OPCML: variants seen among roughly 807,000 people sequenced by gnomAD.
OPCML encodes the protein opioid binding protein/cell adhesion molecule like, also known as opioid-binding protein/cell adhesion molecule.
OPCML carries 13 observed loss-of-function variants against 37.8 expected under a neutral mutation model. That is an observed-to-expected ratio of 0.34 (90% CI 0.22 to 0.55). The LOEUF is 0.55. Ranked by LOEUF, OPCML falls within the 20% of genes least tolerant of loss-of-function variation. The probability of loss-of-function intolerance (pLI) is 0.91; values close to 1 mark genes in which losing one functional copy is unlikely to be tolerated. For missense variants in OPCML, 341 were observed against 435.6 expected, an observed-to-expected ratio of 0.78 and a Z score of 1.93; for synonymous variants, 176 against 168.8, an observed-to-expected ratio of 1.04 and a Z score of -0.33.
Position 133,031,938 on chromosome 11 carries a change from T to C in OPCML, c.62-88928A>G, listed in dbSNP as rs141076697. On this transcript the variant is annotated intron_variant, in intron 1 of 7. Transcript: ENST00000524381. ...GCCTCTTCTATGCCAAACACAGTGC[T>C]TTGTTTTTTTCTGTACATTAACTCA... 5.6e-4 allele frequency among the ~76,000 whole-genome samples: 86 copies of C among 152,350 alleles called. No individual in the cohort carries two copies. The East Asian group carries it at 0.011, about 19-fold the overall frequency.
intron 2 of OPCML, among the ~76,000 whole-genome samples, chr11:132,749,203 C>T (rs978842407): frequency 6.6e-6 from 1 of 152,160 alleles, no homozygotes; most frequent in Non-Finnish European, 1.5e-5. Context: ...ACTATGCTGG[C>T]ACCCTGATAG....
chr11:133,202,652 ACTT>A (rs1490235733), intron 1 of OPCML, among the ~76,000 whole-genome samples: 3 of 152,136 alleles, frequency 2.0e-5, no homozygotes, highest in East Asian at 1.9e-4. Context: ...TTCCAGGGAA[ACTT>A]CTTCTAGTAG....
intron 2 of OPCML, among the ~76,000 whole-genome samples, chr11:132,901,402 A>G (rs1328624853): frequency 6.6e-6 from 1 of 152,214 alleles, no homozygotes; most frequent in East Asian, 1.9e-4. Context: ...AGTTTTCTAA[A>G]GCGTGCAATG....
intron 2 of OPCML, among the ~76,000 whole-genome samples, chr11:132,802,143 T>G (rs554058493): frequency 6.6e-6 from 1 of 152,308 alleles, no homozygotes; most frequent in South Asian, 2.1e-4. Flanking sequence ...AACTGTTACC[T>G]CGAATAAGTT....
chr11:133,063,893 T>G (rs1338879957), intron 1 of OPCML, among the ~76,000 whole-genome samples: 1 of 152,198 alleles, frequency 6.6e-6, no homozygotes, highest in Non-Finnish European at 1.5e-5. Flanking sequence ...CAGCTAGATC[T>G]TCAAAGCCAT....
chr11:133,260,847 T>C (rs539362895), intron 1 of OPCML, among the ~76,000 whole-genome samples: 2 of 150,736 alleles, frequency 1.3e-5, no homozygotes, highest in Admixed American at 1.3e-4. Context: ...AAGACTTACT[T>C]TCTTCCTTGA....
intron 4 of OPCML, among the ~76,000 whole-genome samples, chr11:132,495,015 CT>C (rs35970569): frequency 0.067 from 9,832 of 146,236 alleles, 951 homozygotes; most frequent in African/African-American, 0.22. Context: ...TTGTGGATGA[CT>C]TTTTTTTTTT....
rs562056846 is a variant in OPCML at position 132,552,763 on chromosome 11, C to CTTTTTTT, written c.380-23584_380-23578dup. On this transcript the variant is annotated intron_variant, in intron 3 of 7. Transcript: ENST00000524381. ...TAGTCAAACTAAATTAAACACTACT[C>CTTTTTTT]TTTTTTTTTTTTTTTTGAGACCGAG... Among the ~76,000 whole-genome samples, 97 of 92,786 alleles carry CTTTTTTT rather than the reference C, an allele frequency of 1.0e-3. 7 individuals are homozygous for CTTTTTTT. The highest frequency in any genetic ancestry group is 5.0e-3 in the Admixed American group (44 of 8,772). 60.9% of individuals were successfully genotyped at this position (92,786 alleles called of 152,430 possible).
At chr11:132,446,916 A>C (rs1252689742) in intron 4 of OPCML, among the ~76,000 whole-genome samples, 1 of 152,108 alleles carries the variant, frequency 6.6e-6, no homozygotes, top group Admixed American at 6.5e-5. Context: ...CAGTTTCTTC[A>C]AGAAGGCTGT....
intron 1 of OPCML, among the ~76,000 whole-genome samples, chr11:133,166,697 C>G (rs969346768): frequency 6.6e-6 from 1 of 152,204 alleles, no homozygotes; most frequent in Non-Finnish European, 1.5e-5. Context: ...AGACCTCCTT[C>G]TCCCTCCACA....
intron 3 of OPCML, among the ~76,000 whole-genome samples, chr11:132,572,076 G>C (rs565657846): frequency 6.6e-6 from 1 of 150,712 alleles, no homozygotes; most frequent in South Asian, 2.1e-4. Context: ...TGGAGAAATG[G>C]CTATTCAAGT....
At chr11:133,166,196 T>C (rs1950205824) in intron 1 of OPCML, among the ~76,000 whole-genome samples, 1 of 152,198 alleles carries the variant, frequency 6.6e-6, no homozygotes, top group African/African-American at 2.4e-5. Context: ...GCCTACAAGA[T>C]CCTCACAGTT....
chr11:132,640,565 T>G (rs1362496967), intron 3 of OPCML, among the ~76,000 whole-genome samples: 1 of 152,082 alleles, frequency 6.6e-6, no homozygotes, highest in African/African-American at 2.4e-5. Context: ...GCCAGACGCA[T>G]TCAATAAGCA....
At chr11:132,595,772 A>G (rs748691791) in intron 3 of OPCML, among the ~76,000 whole-genome samples, 1 of 152,218 alleles carries the variant, frequency 6.6e-6, no homozygotes, top group Non-Finnish European at 1.5e-5. Context: ...TGGCAGAGGC[A>G]TCAGCCATGG....
chr11:133,265,700 C>T (rs1485962200), intron 1 of OPCML, among the ~76,000 whole-genome samples: 1 of 152,156 alleles, frequency 6.6e-6, no homozygotes, highest in Non-Finnish European at 1.5e-5. Context: ...GAAGATGTGT[C>T]TGAAGGAGTC....
intron 7 of OPCML, among the ~76,000 whole-genome samples, chr11:132,426,837 C>T (rs1380270691): frequency 6.6e-6 from 1 of 152,322 alleles, no homozygotes; most frequent in South Asian, 2.1e-4. Flanking sequence ...CATCCTGGCA[C>T]TAAGCTTTTG....
intron 2 of OPCML, among the ~76,000 whole-genome samples, chr11:132,699,248 T>A (rs141608874): frequency 1.3e-5 from 2 of 152,258 alleles, no homozygotes; most frequent in Admixed American, 1.3e-4. Flanking sequence ...AGCAGTTTGT[T>A]GGTGGAGGCT....
chr11:133,374,767 T>C (rs190953226), intron 1 of OPCML, among the ~76,000 whole-genome samples: 4 of 152,292 alleles, frequency 2.6e-5, no homozygotes, highest in Non-Finnish European at 5.9e-5. Flanking sequence ...TAATTCCCCA[T>C]ATGAACTCCT....
At chr11:133,025,223 A>T (rs1947529120) in intron 1 of OPCML, 2 of 710,876 alleles carry the variant, frequency 2.8e-6, no homozygotes, top group African/African-American at 3.9e-5. Flanking sequence ...ATAGAAATGT[A>T]AATTATTTTT....
Sources: gnomAD v4.1 joint callset for allele counts (sites outside exome capture counted in the v4.1 genomes callset) on GRCh38, gnomAD v4.1.1 for gene constraint, MANE v1.5 for transcripts, NCBI Gene and HGNC (gene_info 2026-07-23, HGNC 2026-07-21) for gene names.